The following LPP variants were observed in gnomAD, a reference collection of about 807,000 sequenced individuals.
LPP encodes lipoma-preferred partner.
LPP carries 38 observed loss-of-function variants against 60.4 expected under a neutral mutation model. That is an observed-to-expected ratio of 0.63 (90% confidence interval 0.49 to 0.83). The LOEUF is 0.83. Ranked by LOEUF, LPP falls within the 40% of genes least tolerant of loss-of-function variation. LPP has a pLI of 0.00. For synonymous variants in LPP, 328 were observed against 290.8 expected, an observed-to-expected ratio of 1.13 and a Z score of -1.30; for missense variants, 902 against 783.6, an observed-to-expected ratio of 1.15 and a Z score of -1.80.
chr3:188,528,803 A>T (rs1433523400), intron 6 of LPP, among the ~76,000 whole-genome samples: 1 of 152,114 alleles, frequency 6.6e-6, no homozygotes, highest in African/African-American at 2.4e-5. Flanking sequence ...TAAACACCAG[A>T]TTGAGGGTGT....
At chr3:188,599,523 A>G (rs1452862804) in intron 6 of LPP, among the ~76,000 whole-genome samples, 6 of 152,080 alleles carry the variant, frequency 3.9e-5, no homozygotes, top group African/African-American at 1.2e-4. Context: ...CATATACCCT[A>G]TCATAAGTGT....
chr3:188,752,218 T>C (rs1728324945), intron 8 of LPP, among the ~76,000 whole-genome samples: 1 of 152,226 alleles, frequency 6.6e-6, no homozygotes, highest in Admixed American at 6.5e-5. Flanking sequence ...AAAAGGTTAC[T>C]GCAGTGCTTG....
chr3:188,259,376 G>T (rs1732792668), intron 2 of LPP, among the ~76,000 whole-genome samples: 1 of 152,048 alleles, frequency 6.6e-6, no homozygotes. Context: ...ACCATTCTTG[G>T]GCACCAGCCA....
At chr3:188,734,448 C>G (rs978933401) in intron 8 of LPP, among the ~76,000 whole-genome samples, 2 of 151,014 alleles carry the variant, frequency 1.3e-5, no homozygotes, top group African/African-American at 5.0e-5. Flanking sequence ...TAAATACCCC[C>G]ACTTAACTTG....
chr3:188,457,081 G>T (rs1304103245), intron 4 of LPP, among the ~76,000 whole-genome samples: 2 of 152,138 alleles, frequency 1.3e-5, no homozygotes, highest in Non-Finnish European at 2.9e-5. Context: ...AAAGAATTCA[G>T]GTTTAGAATA....
Position 188,182,971 on chromosome 3 carries a change from C to T in LPP, c.-190+28719C>T, listed in dbSNP as rs1725560880. 6.7e-6 allele frequency among the ~76,000 whole-genome samples: 1 copy of T among 149,864 alleles called. No individual in the cohort carries two copies. The highest frequency in any genetic ancestry group is 1.5e-5 in the Non-Finnish European group (1 of 67,466). On this transcript the variant is annotated intron_variant, in intron 1 of 11. Coordinates refer to ENST00000617246, the MANE Select transcript of LPP (RefSeq NM_001375462.1). The surrounding 1 kb of genome is among the most constrained non-coding windows in gnomAD (Gnocchi z 4.4). ...GCTGGTGAAAAACCAATGGTCTAGG[C>T]CAGCATCCTATTGTACAGATGAGAA...
In LPP at chr3:188,559,007, T is replaced by C. The variant is rs147905143; in HGVS notation, c.429+34220T>C. 4.5e-3 allele frequency among the ~76,000 whole-genome samples: 688 copies of C among 152,198 alleles called. 14 individuals carry two copies. The highest frequency in any genetic ancestry group is 0.042 in the Admixed American group (644 of 15,252). On this transcript the variant is annotated intron_variant, in intron 6 of 11. Coordinates refer to ENST00000617246, the MANE Select transcript of LPP (RefSeq NM_001375462.1). ...GGACGGTATTATAGAGATTAGGTAA[T>C]GAAATGCATGGGTTCTAATGCCTGC... is the stretch of plus-strand genomic sequence containing the variant.
At chr3:188,821,823 A>AT (rs1205338734) in intron 9 of LPP, among the ~76,000 whole-genome samples, 2 of 151,770 alleles carry the variant, frequency 1.3e-5, no homozygotes, top group South Asian at 2.1e-4. Context: ...TAGTTAGACC[A>AT]TTTTTTTTAC....
At chr3:188,776,137 T>C (rs1737690639) in intron 9 of LPP, among the ~76,000 whole-genome samples, 1 of 152,134 alleles carries the variant, frequency 6.6e-6, no homozygotes, top group Admixed American at 6.5e-5. Context: ...TGTGAACAAA[T>C]ATAACACAAG....
intron 5 of LPP, among the ~76,000 whole-genome samples, chr3:188,509,031 C>T (rs1258370489): frequency 6.6e-6 from 1 of 152,130 alleles, no homozygotes. Context: ...TCATGGATAT[C>T]GAAGGTGCTT....
intron 7 of LPP, among the ~76,000 whole-genome samples, chr3:188,635,332 TGA>T (rs1848527365): frequency 6.6e-6 from 1 of 152,146 alleles, no homozygotes; most frequent in African/African-American, 2.4e-5. Context: ...AAATAAATAC[TGA>T]GAGTTTGGAT....
intron 7 of LPP, among the ~76,000 whole-genome samples, chr3:188,683,081 T>C (rs1481995814): frequency 6.6e-6 from 1 of 152,148 alleles, no homozygotes; most frequent in Non-Finnish European, 1.5e-5. Flanking sequence ...TGGGTAGGAA[T>C]GAGTCAGTGC....
At chr3:188,654,394 AT>A (rs1418591972) in intron 7 of LPP, among the ~76,000 whole-genome samples, 1 of 152,192 alleles carries the variant, frequency 6.6e-6, no homozygotes, top group East Asian at 1.9e-4. Flanking sequence ...CATTCTGGAA[AT>A]TGAATCTGTG....
chr3:188,708,375 C>T lies in LPP; in HGVS notation c.1222C>T (p.Pro408Ser). 1 of 1,614,198 alleles carries T rather than the reference C, an allele frequency of 6.2e-7. No individual in the cohort carries two copies. Among genetic ancestry groups the T allele is most frequent in the Non-Finnish European group, 8.5e-7 (1 of 1,180,010 alleles). ...GATGCTGTATGACATGGAAAATCCA[C>T]CTGCTGACGAATACTTTGGTGAGTG... ...KKMLYDMENP[P>S]ADEYFGRCAR... Residue 408 changes from proline (P) to serine (S), a missense_variant, in exon 8 of 12, where the codon CCT becomes TCT. Pro to Ser is a moderately conservative substitution (Grantham distance 74). Transcript: ENST00000617246.
chr3:188,466,128 A>G (rs1800313285), intron 4 of LPP, among the ~76,000 whole-genome samples: 1 of 152,142 alleles, frequency 6.6e-6, no homozygotes, highest in Admixed American at 6.6e-5. Context: ...TCATGGCTCA[A>G]TAGTTCAGTA....
chr3:188,186,788 T>C (rs1726731941), intron 1 of LPP, among the ~76,000 whole-genome samples: 2 of 143,142 alleles, frequency 1.4e-5, no homozygotes, highest in African/African-American at 5.0e-5. Context: ...CTAAATAATA[T>C]GCTTCTGTCT....
chr3:188,851,712 A>G lies in LPP; in HGVS notation c.1411-14488A>G, dbSNP rs554730297. 3.9e-5 allele frequency among the ~76,000 whole-genome samples: 6 copies of G among 152,370 alleles called. No homozygotes were observed. The South Asian group carries it at 1.0e-3, about 26-fold the overall frequency. On this transcript the variant is annotated intron_variant, in intron 9 of 11. Coordinates refer to ENST00000617246, the MANE Select transcript of LPP (RefSeq NM_001375462.1). ...CAGTGCTAGAAACATCAATTTAAAA[A>G]TGTTTAAATCCTAGTCTTCGAAGAG... is the stretch of plus-strand genomic sequence containing the variant.
At chr3:188,532,274 A>T (rs1822391505) in intron 6 of LPP, among the ~76,000 whole-genome samples, 1 of 148,348 alleles carries the variant, frequency 6.7e-6, no homozygotes, top group African/African-American at 2.6e-5. Flanking sequence ...AACAAACAAA[A>T]CTTAGCTGGG....
intron 6 of LPP, among the ~76,000 whole-genome samples, chr3:188,595,558 C>G (rs545444965): frequency 1.3e-5 from 2 of 152,262 alleles, no homozygotes; most frequent in Admixed American, 6.5e-5. Flanking sequence ...CCTTAGATTT[C>G]CAGCTAATAG....
Sources: gnomAD v4.1 joint callset for allele counts (sites outside exome capture counted in the v4.1 genomes callset) on GRCh38, gnomAD v4.1.1 for gene constraint, Gnocchi (gnomAD v3.1) non-coding constraint, MANE v1.5 for transcripts, NCBI Gene and HGNC (gene_info 2026-07-23, HGNC 2026-07-21) for gene names.